ANXA8: variants seen among roughly 807,000 people sequenced by gnomAD.
ANXA8 encodes the protein annexin A8, also known as VAC-beta.
Under a neutral mutation model 26.8 loss-of-function variants are expected in ANXA8, and 9 were observed. The ratio of observed to expected loss-of-function variants is 0.34; its 90% CI spans 0.20 to 0.59. The LOEUF (loss-of-function observed/expected upper bound fraction) is 0.59. Ranked by LOEUF, ANXA8 falls within the 20% of genes least tolerant of loss-of-function variation. The probability of loss-of-function intolerance (pLI) is 0.84; values close to 1 mark genes in which losing one functional copy is unlikely to be tolerated. For synonymous variants in ANXA8, 39 were observed against 94.8 expected (o/e 0.41, Z 3.42); for missense variants, 83 against 238.5 (o/e 0.35, Z 4.29).
the ANXA8 span, among the ~76,000 whole-genome samples, chr10:47,697,451 G>GA: frequency 1.3e-5 from 2 of 151,124 alleles, no homozygotes; most frequent in South Asian, 4.2e-4. Flanking sequence ...AATAGCTAGA[G>GA]AAATATACTG....
At chr10:47,764,963 T>C in the ANXA8 span, among the ~76,000 whole-genome samples, 1 of 143,524 alleles carries the variant, frequency 7.0e-6, no homozygotes, top group Non-Finnish European at 1.5e-5. Flanking sequence ...TCAGCTAGGC[T>C]CCTCCTCCCC....
At chr10:47,968,067 T>C in the ANXA8 span, among the ~76,000 whole-genome samples, 2 of 151,326 alleles carry the variant, frequency 1.3e-5, no homozygotes, top group Non-Finnish European at 3.0e-5. Flanking sequence ...TAGTCACAAA[T>C]ACAGTCCTCG....
At chr10:47,953,401 C>T in the ANXA8 span, among the ~76,000 whole-genome samples, 19 of 150,590 alleles carry the variant, frequency 1.3e-4, 1 homozygote, top group African/African-American at 4.7e-4. Context: ...GATGCCTGAA[C>T]TTAAAGATCA....
the ANXA8 span, among the ~76,000 whole-genome samples, chr10:47,619,428 T>C: frequency 8.8e-6 from 1 of 113,226 alleles, no homozygotes; most frequent in Non-Finnish European, 1.9e-5. Context: ...TCCAACTTTC[T>C]AATTGAACTC....
chr10:47,666,205 G>A, the ANXA8 span, among the ~76,000 whole-genome samples: 652 of 67,770 alleles, frequency 9.6e-3, 8 homozygotes, highest in African/African-American at 0.037. Flanking sequence ...CCCACCCCCC[G>A]CCTCCCACTT....
chr10:47,643,528 AAATCAATCAATC>A, the ANXA8 span, among the ~76,000 whole-genome samples: 2 of 145,026 alleles, frequency 1.4e-5, no homozygotes, highest in African/African-American at 2.7e-5. Context: ...GACTCCATAA[AAATCAATCAATC>A]AATCAATCAA....
At chr10:47,486,374 C>T (rs1411401454), upstream of ANXA8, among the ~76,000 whole-genome samples, 13 of 143,070 alleles carry the variant, frequency 9.1e-5, no homozygotes, top group African/African-American at 2.8e-4. Context: ...AGCACTGAGG[C>T]ACCTGAAAGT....
At chr10:47,707,230 G>A in the ANXA8 span, among the ~76,000 whole-genome samples, 1 of 143,038 alleles carries the variant, frequency 7.0e-6, no homozygotes, top group Admixed American at 7.1e-5. Context: ...TACCAATTTG[G>A]TTTTGATTTT....
chr10:47,627,938 T>C, the ANXA8 span, among the ~76,000 whole-genome samples: 1 of 149,794 alleles, frequency 6.7e-6, no homozygotes, highest in African/African-American at 2.5e-5. Context: ...TAACATGCTA[T>C]ACTGGTAAAT....
At chr10:47,948,675 A>G in the ANXA8 span, among the ~76,000 whole-genome samples, 2 of 150,510 alleles carry the variant, frequency 1.3e-5, no homozygotes, top group Non-Finnish European at 1.5e-5. Flanking sequence ...AGGAAAGGAA[A>G]GAGGGAAGAG....
the ANXA8 span, among the ~76,000 whole-genome samples, chr10:47,626,028 G>A: frequency 9.2e-4 from 138 of 150,420 alleles, 1 homozygote; most frequent in African/African-American, 3.4e-3. Context: ...AGGTTCATCC[G>A]TGTTGTTGCA....
At chr10:47,590,765 C>T in the ANXA8 span, among the ~76,000 whole-genome samples, 371 of 142,640 alleles carry the variant, frequency 2.6e-3, 13 homozygotes, top group East Asian at 0.039. Flanking sequence ...AACCCACATG[C>T]CAGCCCAAAT....
At chr10:47,971,347 G>A in the ANXA8 span, among the ~76,000 whole-genome samples, 1 of 151,168 alleles carries the variant, frequency 6.6e-6, no homozygotes, top group Non-Finnish European at 1.5e-5. Flanking sequence ...TCAGGTTACA[G>A]AATGTGAGGA....
chr10:47,959,176 C>T, the ANXA8 span, among the ~76,000 whole-genome samples: 1 of 146,566 alleles, frequency 6.8e-6, no homozygotes, highest in Non-Finnish European at 1.5e-5. Context: ...GACAGCTGGA[C>T]ATCCCGAGGT....
At chr10:47,565,073 G>C in the ANXA8 span, 1 of 766,422 alleles carries the variant, frequency 1.3e-6, no homozygotes, top group Admixed American at 1.8e-5. Flanking sequence ...CTCCGAAGAC[G>C]CCTACAGGTT....
At chr10:47,688,458 G>A in the ANXA8 span, among the ~76,000 whole-genome samples, 14 of 150,196 alleles carry the variant, frequency 9.3e-5, no homozygotes, top group Admixed American at 2.7e-4. Context: ...GTCTCGCTTT[G>A]TCGCCCAGGC....
the ANXA8 span, among the ~76,000 whole-genome samples, chr10:47,591,434 ATTTTTTTTTTT>A: frequency 8.3e-5 from 5 of 60,212 alleles, no homozygotes; most frequent in South Asian, 1.8e-3. Context: ...TTCTTTCTGA[ATTTTTTTTTTT>A]TTTTTTTTTT....
At chr10:47,587,779 G>A in the ANXA8 span, among the ~76,000 whole-genome samples, 1 of 146,458 alleles carries the variant, frequency 6.8e-6, no homozygotes, top group Non-Finnish European at 1.5e-5. Context: ...CAGTGTGCTG[G>A]GAAGGAGACA....
the ANXA8 span, chr10:47,920,645 T>C: frequency 1.6e-4 from 20 of 124,252 alleles, no homozygotes; most frequent in Admixed American, 1.7e-4. Flanking sequence ...ACTTAAAGAA[T>C]ATCTCGAATA....
Sources: allele counts gnomAD v4.1 joint callset (sites outside exome capture counted in the v4.1 genomes callset), GRCh38; gene constraint gnomAD v4.1.1; transcripts MANE v1.5; gene names NCBI Gene and HGNC (gene_info 2026-07-23, HGNC 2026-07-21).